C10orf67: variants seen among roughly 807,000 people sequenced by gnomAD.
C10orf67 encodes chromosome 10 open reading frame 67.
A neutral mutation model predicts 35.6 loss-of-function variants in C10orf67; 60 were observed. The observed-to-expected ratio is 1.68, with a 90% CI of 1.37 to 2.09. C10orf67 has a LOEUF of 2.09. C10orf67 is among the 30% of genes most tolerant of loss of function. The probability of loss-of-function intolerance (pLI) is 0.00; values close to 1 mark genes in which losing one functional copy is unlikely to be tolerated. For synonymous variants in C10orf67, 167 were observed against 115.8 expected (o/e 1.44, Z -2.84); for missense variants, 474 against 330.2 (o/e 1.44, Z -3.38).
chr10:23,285,836 C>T (rs1843510657), intron 7 of C10orf67, among the ~76,000 whole-genome samples: 1 of 152,254 alleles, frequency 6.6e-6, no homozygotes, highest in South Asian at 2.1e-4. Context: ...TAGTTCCTCA[C>T]TTGCACTGGC....
At chr10:23,280,586 G>T (rs1414541451) in intron 8 of C10orf67, among the ~76,000 whole-genome samples, 3 of 152,164 alleles carry the variant, frequency 2.0e-5, no homozygotes, top group Non-Finnish European at 4.4e-5. Context: ...TGAGCTCCTA[G>T]ACTAGTCTAG....
chr10:23,281,046 G>A (rs944790511), intron 8 of C10orf67, among the ~76,000 whole-genome samples: 1 of 152,110 alleles, frequency 6.6e-6, no homozygotes, highest in African/African-American at 2.4e-5. Context: ...TATATGCCAG[G>A]TATTTAAAAG....
Position 23,344,666 on chromosome 10 carries a change from C to T in C10orf67, c.109G>A (p.Ala37Thr). The stretch of plus-strand genomic sequence containing the variant: ...AGCTCGGTGGCCTTGGCTTTCATGG[C>T]CTCCCAGCGTGTGCCAAAGGTCCCC... Reference protein sequence around the residue: ...LRGTFGTRWEAMKAKATELRV... With the variant: ...LRGTFGTRWETMKAKATELRV... Residue 37 changes from alanine (A) to threonine (T), a missense_variant, in exon 1 of 16, where the codon GCC (alanine) becomes ACC (threonine). Ala to Thr is a moderately conservative substitution (Grantham distance 58, BLOSUM62 0). Coordinates refer to ENST00000636213, the MANE Select transcript of C10orf67 (RefSeq NM_001371909.1). 6.3e-7 allele frequency: 1 copy of T among 1,580,258 alleles called. No individual in the cohort carries two copies. Among genetic ancestry groups the T allele is most frequent in the Non-Finnish European group, 8.6e-7 (1 of 1,163,536 alleles).
intron 15 of C10orf67, among the ~76,000 whole-genome samples, chr10:23,206,610 A>T (rs1182393251): frequency 6.6e-6 from 1 of 152,206 alleles, no homozygotes; most frequent in East Asian, 1.9e-4. Context: ...AGTTACCATG[A>T]ATAAAGATTG....
chr10:23,288,626 A>C (rs538619821), intron 7 of C10orf67, among the ~76,000 whole-genome samples: 1 of 152,340 alleles, frequency 6.6e-6, no homozygotes, highest in South Asian at 2.1e-4. Context: ...TAAAAATTAA[A>C]AAAAGAATAT....
intron 8 of C10orf67, among the ~76,000 whole-genome samples, chr10:23,280,783 A>G (rs1416727039): frequency 2.6e-5 from 4 of 152,236 alleles, no homozygotes; most frequent in Non-Finnish European, 5.9e-5. Flanking sequence ...TTCAAAGAGT[A>G]TGGGATCTGC....
At chr10:23,222,633 A>T (rs1352204393) in intron 15 of C10orf67, among the ~76,000 whole-genome samples, 4 of 152,214 alleles carry the variant, frequency 2.6e-5, no homozygotes, top group African/African-American at 4.8e-5. Context: ...AAATCTGCAC[A>T]TGTACCCCTG....
chr10:23,280,573 T>A (rs973625264), intron 8 of C10orf67, among the ~76,000 whole-genome samples: 1 of 152,168 alleles, frequency 6.6e-6, no homozygotes, highest in East Asian at 1.9e-4. Flanking sequence ...TCTATTGAAA[T>A]CATGAGCTCC....
intron 15 of C10orf67, among the ~76,000 whole-genome samples, chr10:23,205,248 C>G (rs1347971652): frequency 6.6e-6 from 1 of 152,156 alleles, no homozygotes; most frequent in Non-Finnish European, 1.5e-5. Flanking sequence ...TTTTCTTACT[C>G]AAAGCTTTCT....
intron 4 of C10orf67, among the ~76,000 whole-genome samples, chr10:23,311,917 C>T (rs1844516275): frequency 6.6e-6 from 1 of 152,102 alleles, no homozygotes; most frequent in Non-Finnish European, 1.5e-5. Flanking sequence ...ACTCTGTGAA[C>T]ATTTAGATTG....
At chr10:23,211,714 G>T (rs180804709) in intron 15 of C10orf67, among the ~76,000 whole-genome samples, 8 of 152,230 alleles carry the variant, frequency 5.3e-5, no homozygotes, top group Admixed American at 2.6e-4. Context: ...GATAAAATAA[G>T]GTAGAAATCA....
intron 1 of C10orf67, among the ~76,000 whole-genome samples, chr10:23,341,926 C>T (rs1312969350): frequency 6.6e-6 from 1 of 152,146 alleles, no homozygotes; most frequent in East Asian, 1.9e-4. Flanking sequence ...AATCCCAGTA[C>T]TTTGGGAGGC....
At chr10:23,235,635 G>A (rs1250033207) in intron 13 of C10orf67, among the ~76,000 whole-genome samples, 2 of 152,072 alleles carry the variant, frequency 1.3e-5, no homozygotes, top group Non-Finnish European at 2.9e-5. Context: ...TTTAAAAATG[G>A]CTAAAATGAC....
At position 23,292,111 on chromosome 10, in the gene C10orf67, G is replaced by T. The variant is rs759815152; in HGVS notation, c.703-832C>A. Among the ~76,000 whole-genome samples the T allele has an allele frequency of 1.7e-4, 26 of 150,042 alleles. 1 individual carries two copies. The highest frequency in any genetic ancestry group is 1.4e-3 in the Admixed American group (21 of 15,018). On this transcript the variant is annotated intron_variant, in intron 5 of 15. Transcript: ENST00000636213. Reference sequence around the variant, plus strand: ...TTTAAATCTTGCCATGTCCATTATGGGAGAGCTTTTTCTTACGCAATAGAC... The same window carrying T: ...TTTAAATCTTGCCATGTCCATTATGTGAGAGCTTTTTCTTACGCAATAGAC...
chr10:23,343,793 C>T lies in C10orf67; in HGVS notation c.206+776G>A, dbSNP rs559009726. 2,029 of 345,030 alleles carry T rather than the reference C, an allele frequency of 5.9e-3. 12 individuals are homozygous for T. Among genetic ancestry groups the T allele is most frequent in the Admixed American group, 5.9e-3 (154 of 25,898 alleles). 21.4% of individuals were successfully genotyped at this position (345,030 alleles called of 1,614,324 possible). A position where few individuals can be genotyped will look rare whatever the true frequency, so the allele number is the denominator to read the frequency against. On this transcript the variant is annotated intron_variant, in intron 1 of 15. Coordinates refer to ENST00000636213, the MANE Select transcript of C10orf67 (RefSeq NM_001371909.1). ...GACAGTGATCCCCTCGAAAAACAAACAAAAAACTGAAGCCCAGCGGCTGGA... is the reference window on the plus strand; with the variant it reads ...GACAGTGATCCCCTCGAAAAACAAATAAAAAACTGAAGCCCAGCGGCTGGA...
intron 15 of C10orf67, among the ~76,000 whole-genome samples, chr10:23,214,627 G>A (rs888724742): frequency 1.3e-5 from 2 of 152,128 alleles, no homozygotes; most frequent in Non-Finnish European, 2.9e-5. Context: ...AAAAAAAGTA[G>A]AGCAAATTAA....
intron 6 of C10orf67, among the ~76,000 whole-genome samples, chr10:23,290,387 T>G (rs1843685340): frequency 6.6e-6 from 1 of 152,196 alleles, no homozygotes; most frequent in African/African-American, 2.4e-5. Flanking sequence ...AATATTAATA[T>G]AATATATCTC....
rs768333627 is a variant in C10orf67, at chr10:23,223,652, C to T, written c.1516G>A (p.Gly506Ser). The change falls in exon 15 of 16, where the codon GGT becomes AGT. Residue 506 changes from glycine to serine, a missense_variant. Gly to Ser is a moderately conservative substitution (Grantham distance 56). Transcript: ENST00000636213. The stretch of plus-strand genomic sequence containing the variant: ...TCACTGACTACATCCACATGCTTAC[C>T]GTCTATCTGTAAGTGAACCAAAACT... The part of the protein sequence containing the change: ...SSSHCTSSID[G>S]KHVDVVSDQA... The T allele has an allele frequency of 2.5e-5, 18 of 717,396 alleles. No individual in the cohort carries two copies. The highest frequency in any genetic ancestry group is 1.8e-4 in the South Asian group (12 of 67,584). The allele number at this position is 717,396 out of a possible 1,614,324, so 44.4% of individuals were successfully genotyped here.
chr10:23,321,932 C>T (rs1400247075), intron 3 of C10orf67, among the ~76,000 whole-genome samples: 1 of 152,104 alleles, frequency 6.6e-6, no homozygotes, highest in Non-Finnish European at 1.5e-5. Context: ...GGACTACAGG[C>T]CTGCAACACC....
Sources: gnomAD v4.1 joint callset for allele counts (sites outside exome capture counted in the v4.1 genomes callset) on GRCh38, gnomAD v4.1.1 for gene constraint, MANE v1.5 for transcripts, NCBI Gene and HGNC (gene_info 2026-07-23, HGNC 2026-07-21) for gene names.